KANK1: variants seen among roughly 807,000 people sequenced by gnomAD.
KANK1 encodes the protein KN motif and ankyrin repeat domain-containing protein 1.
Under a neutral mutation model 106.2 loss-of-function variants are expected in KANK1, and 109 were observed. The ratio of observed to expected loss-of-function variants is 1.03; its 90% CI spans 0.88 to 1.20. The LOEUF (loss-of-function observed/expected upper bound fraction) is 1.20, where lower values mean the gene tolerates loss of function less well. Among genes scored for constraint, KANK1 ranks in the 50% most tolerant of loss-of-function variants. The pLI is 0.00. For missense variants in KANK1, 2,399 were observed against 1,710.7 expected (o/e 1.40, Z -7.10); for synonymous variants, 873 against 652.2 (o/e 1.34, Z -5.16).
intron 1 of KANK1, among the ~76,000 whole-genome samples, chr9:608,988 A>G (rs1829971607): frequency 6.6e-6 from 1 of 152,210 alleles, no homozygotes; most frequent in South Asian, 2.1e-4. Flanking sequence ...TTTCGGGGTC[A>G]CTGCTGATAT....
At chr9:470,306 G>T (rs564987729) in exon 1 of KANK1, 2 of 151,104 alleles carry the variant, frequency 1.3e-5, no homozygotes, top group Admixed American at 6.7e-5. Context: ...AGGGTGTTTC[G>T]GGGCGTCCGA....
At chr9:492,901 G>A (rs1405501791) in intron 3 of KANK1, among the ~76,000 whole-genome samples, 1 of 151,812 alleles carries the variant, frequency 6.6e-6, no homozygotes, top group Non-Finnish European at 1.5e-5. Flanking sequence ...ACCCTTACCT[G>A]TAATCCCAGC....
At chr9:689,274 T>TG (rs1398677300) in intron 2 of KANK1, among the ~76,000 whole-genome samples, 1 of 152,156 alleles carries the variant, frequency 6.6e-6, no homozygotes, top group Non-Finnish European at 1.5e-5. Context: ...TTTGGGGAAA[T>TG]GCGTTTGTTG....
chr9:719,699 G>A (rs1012577751), intron 3 of KANK1, among the ~76,000 whole-genome samples: 1 of 152,258 alleles, frequency 6.6e-6, no homozygotes, highest in Admixed American at 6.5e-5. Context: ...CAGAAGACTG[G>A]AGAATTGATC....
intron 1 of KANK1, among the ~76,000 whole-genome samples, chr9:644,057 A>G (rs936672368): frequency 4.0e-5 from 6 of 150,928 alleles, no homozygotes; most frequent in Non-Finnish European, 7.4e-5. Flanking sequence ...GTGGTGTGTC[A>G]TTAGAAGCAT....
chr9:658,618 A>AT lies in KANK1; in HGVS notation c.-83-18268dup, dbSNP rs953135836. Among the ~76,000 whole-genome samples the AT allele has an allele frequency of 9.3e-4, 141 of 151,542 alleles. 1 individual carries two copies. The highest frequency in any genetic ancestry group is 3.3e-3 in the African/African-American group (137 of 41,370). On this transcript the variant is annotated intron_variant, in intron 1 of 11. Coordinates refer to ENST00000382297, the MANE Select transcript of KANK1 (RefSeq NM_015158.5). ...CTTAAGTTTTATAGTTTTTTTTTTA[A>AT]TTTTAGATTTAAGATTCATTTGGAA... is the stretch of plus-strand genomic sequence containing the variant.
upstream of KANK1, among the ~76,000 whole-genome samples, chr9:501,613 T>TACAC (rs60211646): frequency 0.13 from 19,964 of 148,442 alleles, 2,408 homozygotes; most frequent in African/African-American, 0.32. Flanking sequence ...CGCACAGACA[T>TACAC]ACACACACAC....
chr9:487,050 T>A (rs2058305703), intron 3 of KANK1, among the ~76,000 whole-genome samples: 1 of 152,210 alleles, frequency 6.6e-6, no homozygotes, highest in African/African-American at 2.4e-5. Flanking sequence ...GACCTGGAAG[T>A]TATTTTTATG....
intron 1 of KANK1, among the ~76,000 whole-genome samples, chr9:603,822 T>C (rs1828384569): frequency 6.6e-6 from 1 of 151,000 alleles, no homozygotes; most frequent in Admixed American, 6.6e-5. Context: ...TAGCTGGGTG[T>C]GGTGGTGTGC....
intron 10 of KANK1, 22 bp from the exon 11 acceptor site, chr9:744,469 G>C: frequency 1.9e-6 from 3 of 1,607,462 alleles, no homozygotes; most frequent in Admixed American, 3.3e-5. Flanking sequence ...AACATGGCTT[G>C]TTCTTTCCAT....
intron 1 of KANK1, among the ~76,000 whole-genome samples, chr9:551,910 G>T (rs910750579): frequency 6.6e-6 from 1 of 151,776 alleles, no homozygotes; most frequent in African/African-American, 2.4e-5. Context: ...TCAAAAATTA[G>T]CTGGGTGTGT....
At chr9:630,025 A>G (rs997953903) in intron 1 of KANK1, among the ~76,000 whole-genome samples, 1 of 149,646 alleles carries the variant, frequency 6.7e-6, no homozygotes, top group African/African-American at 2.5e-5. Flanking sequence ...AGAAAGGCCG[A>G]TCACTTAAGG....
intron 1 of KANK1, among the ~76,000 whole-genome samples, chr9:599,358 G>C (rs1827150903): frequency 1.3e-5 from 2 of 151,612 alleles, no homozygotes; most frequent in African/African-American, 4.9e-5. Context: ...ATCTCTAGTG[G>C]TTATTTTAAA....
Position 594,311 on chromosome 9 carries a change from A to T in KANK1, c.-83-82579A>T, listed in dbSNP as rs917362319. ...TCAGGCAGGAGGTGGAGAAAGGCTA[A>T]CTAGGGGGAAAAGGCCAACATGATT... On this transcript the variant is annotated intron_variant, in intron 1 of 11. Transcript: ENST00000382297. Among the ~76,000 whole-genome samples, 2 of 151,958 alleles carry T rather than the reference A, an allele frequency of 1.3e-5. 1 individual carries two copies. The highest frequency in any genetic ancestry group is 4.9e-5 in the African/African-American group (2 of 41,202).
At position 730,323 on chromosome 9, in the gene KANK1, A is replaced by G. The variant is rs563002021; in HGVS notation, c.2896+75A>G. On this transcript the variant is annotated intron_variant, in intron 4 of 11. Transcript: ENST00000382297. ...TTGCCAGCATTCCAATTTAATGTCAATGTACCTTTTAAATTGACCTGGAAG... is the reference window on the plus strand; with the variant it reads ...TTGCCAGCATTCCAATTTAATGTCAGTGTACCTTTTAAATTGACCTGGAAG... 237 of 1,384,680 alleles carry G rather than the reference A, an allele frequency of 1.7e-4. No homozygotes were observed. The African/African-American group carries it at 2.3e-3, about 14-fold the overall frequency. The allele number at this position is 1,384,680 out of a possible 1,614,324, so 85.8% of individuals were successfully genotyped here. A position where few individuals can be genotyped will look rare whatever the true frequency, so the allele number is the denominator to read the frequency against.
Position 520,730 on chromosome 9 carries a change from G to A in KANK1, c.-84+15976G>A, listed in dbSNP as rs146113511. 2.4e-4 allele frequency among the ~76,000 whole-genome samples: 37 copies of A among 151,846 alleles called. 1 individual carries two copies. Among genetic ancestry groups the A allele is most frequent in the African/African-American group, 8.0e-4 (33 of 41,172 alleles). On this transcript the variant is annotated intron_variant, in intron 1 of 11. Coordinates refer to ENST00000382297, the MANE Select transcript of KANK1 (RefSeq NM_015158.5). ...AATCTGCCTAGATATGGAAAACAGG[G>A]TCTAGTTTTTGGACAGGACTGATTA...
At chr9:546,471 G>A (rs960518744) in intron 1 of KANK1, among the ~76,000 whole-genome samples, 1 of 152,040 alleles carries the variant, frequency 6.6e-6, no homozygotes, top group Non-Finnish European at 1.5e-5. Flanking sequence ...GGGAAAAGGC[G>A]GTCAGAGAGG....
chr9:569,004 C>T (rs1391572756), intron 1 of KANK1, among the ~76,000 whole-genome samples: 2 of 152,098 alleles, frequency 1.3e-5, no homozygotes, highest in African/African-American at 2.4e-5. Context: ...GGAGGAATGG[C>T]TCTGGTGCTC....
At chr9:505,482 G>A (rs1461866535) in intron 1 of KANK1, among the ~76,000 whole-genome samples, 1 of 152,258 alleles carries the variant, frequency 6.6e-6, no homozygotes, top group African/African-American at 2.4e-5. Context: ...GTCCCCGAAT[G>A]TTGCGTTTTC....
Sources: gnomAD v4.1 joint callset for allele counts (sites outside exome capture counted in the v4.1 genomes callset) on GRCh38, gnomAD v4.1.1 for gene constraint, MANE v1.5 for transcripts, NCBI Gene and HGNC (gene_info 2026-07-23, HGNC 2026-07-21) for gene names.